The following SH3PXD2B variants were observed in gnomAD, a reference collection of about 807,000 sequenced individuals.
SH3PXD2B encodes SH3 and PX domain-containing protein 2B.
Under a neutral mutation model 73.1 loss-of-function variants are expected in SH3PXD2B, and 37 were observed. The ratio of observed to expected loss-of-function variants is 0.51; its 90% CI spans 0.39 to 0.67. The LOEUF (loss-of-function observed/expected upper bound fraction) is 0.67. Among genes scored for constraint, SH3PXD2B ranks in the 30% least tolerant of loss-of-function variants. The pLI is 0.00. For missense variants in SH3PXD2B, 1,053 were observed against 1,197.8 expected (o/e 0.88, Z 1.78); for synonymous variants, 457 against 480.5 (o/e 0.95, Z 0.64).
intron 2 of SH3PXD2B, among the ~76,000 whole-genome samples, chr5:172,411,745 G>GTT (rs1758703681): frequency 6.6e-6 from 1 of 151,982 alleles, no homozygotes; most frequent in Admixed American, 6.6e-5. Flanking sequence ...TATTGAATAT[G>GTT]TTATTTTGAA....
In SH3PXD2B at chr5:172,333,630, A is replaced by G. The variant is rs1302105262; in HGVS notation, c.*4739T>C. 1 of 1,288,778 alleles carries G rather than the reference A, an allele frequency of 7.8e-7. No individual in the cohort carries two copies. The highest frequency in any genetic ancestry group is 1.5e-5 in the African/African-American group (1 of 65,782). 79.8% of individuals were successfully genotyped at this position (1,288,778 alleles called of 1,614,324 possible). A position where few individuals can be genotyped will look rare whatever the true frequency, so the allele number is the denominator to read the frequency against. Reference sequence around the variant, plus strand: ...GTTCTCACCCCTCCCCTCACATCCTATATACTCATTTATTTAATGTGTTAA... The same window carrying G: ...GTTCTCACCCCTCCCCTCACATCCTGTATACTCATTTATTTAATGTGTTAA... On this transcript the variant is annotated 3_prime_UTR_variant, in exon 13 of 13. Transcript: ENST00000311601.
At chr5:172,349,986 C>T (rs1346330434) in intron 10 of SH3PXD2B, among the ~76,000 whole-genome samples, 1 of 152,190 alleles carries the variant, frequency 6.6e-6, no homozygotes, top group Non-Finnish European at 1.5e-5. Flanking sequence ...TCCCAAGTAG[C>T]TGGGATTTCA....
chr5:172,366,932 A>ATTTTTTTTTTTTTTTT lies in SH3PXD2B; in HGVS notation c.428-4079_428-4064dup, dbSNP rs1262636786. On this transcript the variant is annotated intron_variant, in intron 6 of 12. Coordinates refer to ENST00000311601, the MANE Select transcript of SH3PXD2B (RefSeq NM_001017995.3). ...TAGGTGTGAGCCATCGTGCCCGGCC[A>ATTTTTTTTTTTTTTTT]TTTTTTTTTTTTTTTTTTTTTGGGG... Among the ~76,000 whole-genome samples, 14 of 75,104 alleles carry ATTTTTTTTTTTTTTTT rather than the reference A, an allele frequency of 1.9e-4. 3 individuals carry two copies. The East Asian group carries it at 4.3e-3, about 23-fold the overall frequency. 49.3% of individuals were successfully genotyped at this position (75,104 alleles called of 152,430 possible). A position where few individuals can be genotyped will look rare whatever the true frequency, so the allele number is the denominator to read the frequency against.
At chr5:172,398,364 T>C (rs1230311929) in intron 3 of SH3PXD2B, among the ~76,000 whole-genome samples, 1 of 152,270 alleles carries the variant, frequency 6.6e-6, no homozygotes, top group Non-Finnish European at 1.5e-5. Context: ...CAGTTCATTA[T>C]CAATGGAAAG....
Position 172,335,063 on chromosome 5 carries a change from C to T in SH3PXD2B, c.*3306G>A. ...GCAGTCTCAGCTGGGACGACATACA[C>T]CCACCAATGGCAAAGAAAGATTCCG... On this transcript the variant is annotated 3_prime_UTR_variant, in exon 13 of 13. Transcript: ENST00000311601. The T allele has an allele frequency of 5.1e-6, 5 of 985,504 alleles. No individual in the cohort carries two copies. The highest frequency in any genetic ancestry group is 6.0e-6 in the Non-Finnish European group (5 of 829,994). The allele number at this position is 985,504 out of a possible 1,614,324, so 61.0% of individuals were successfully genotyped here.
At chr5:172,349,299 T>C (rs973807198) in intron 10 of SH3PXD2B, among the ~76,000 whole-genome samples, 2 of 152,170 alleles carry the variant, frequency 1.3e-5, no homozygotes, top group Non-Finnish European at 2.9e-5. Flanking sequence ...TGTGGGTAGC[T>C]GGAAGTCCTT....
At chr5:172,437,454 A>T (rs1759420778) in intron 1 of SH3PXD2B, among the ~76,000 whole-genome samples, 1 of 152,160 alleles carries the variant, frequency 6.6e-6, no homozygotes, top group Non-Finnish European at 1.5e-5. Flanking sequence ...GCACAGAGCC[A>T]TGCTGCGCCT....
chr5:172,325,240 A>G, exon 13 of SH3PXD2B: 1 of 1,444,360 alleles, frequency 6.9e-7, no homozygotes. Flanking sequence ...AGTTTAGCAA[A>G]TTCATGTTCA....
chr5:172,354,128 C>T (rs1029961537), intron 8 of SH3PXD2B, 123 bp from the exon 9 acceptor site: 5 of 927,416 alleles, frequency 5.4e-6, no homozygotes, highest in Admixed American at 1.9e-5. Context: ...GGGCACCCCC[C>T]CTGGCCCTGA....
chr5:172,344,279 T>C (rs777279647), intron 12 of SH3PXD2B, among the ~76,000 whole-genome samples: 26 of 152,062 alleles, frequency 1.7e-4, no homozygotes, highest in Non-Finnish European at 3.1e-4. Context: ...ACAGAGCATA[T>C]GGATCTATCA....
chr5:172,452,649 C>T (rs541731689), intron 1 of SH3PXD2B, among the ~76,000 whole-genome samples: 12 of 152,204 alleles, frequency 7.9e-5, no homozygotes, highest in African/African-American at 2.6e-4. Context: ...CGATGATGGC[C>T]GGGCCTCGGT....
At chr5:172,432,926 G>A (rs1333498550) in intron 1 of SH3PXD2B, among the ~76,000 whole-genome samples, 145 of 4,400 alleles carry the variant, frequency 0.033, no homozygotes, top group African/African-American at 0.061. Flanking sequence ...AAAAAAAAAA[G>A]GGGGGGGGGG....
At chr5:172,435,060 C>T (rs1040671746) in intron 1 of SH3PXD2B, among the ~76,000 whole-genome samples, 4 of 152,122 alleles carry the variant, frequency 2.6e-5, no homozygotes, top group African/African-American at 9.7e-5. Flanking sequence ...GCTGGGATTA[C>T]AGACGTGAGC....
Position 172,333,885 on chromosome 5 carries a change from C to A in SH3PXD2B, c.*4484G>T. The stretch of plus-strand genomic sequence containing the variant: ...CCCCTCTAAGTGAAAGGGGCGCTAA[C>A]AATAATTACACGGGCACAAAGGCAT... On this transcript the variant is annotated 3_prime_UTR_variant, in exon 13 of 13. Transcript: ENST00000311601. 3 of 1,274,016 alleles carry A rather than the reference C, an allele frequency of 2.4e-6. No individual in the cohort carries two copies. The highest frequency in any genetic ancestry group is 3.0e-6 in the Non-Finnish European group (3 of 985,180). 78.9% of individuals were successfully genotyped at this position (1,274,016 alleles called of 1,614,324 possible). A position where few individuals can be genotyped will look rare whatever the true frequency, so the allele number is the denominator to read the frequency against.
chr5:172,423,549 G>GT (rs59814724), intron 1 of SH3PXD2B, among the ~76,000 whole-genome samples: 19 of 142,974 alleles, frequency 1.3e-4, no homozygotes, highest in African/African-American at 2.5e-4. Context: ...CGGGGTTGGG[G>GT]GGGGGGGCGC....
Position 172,406,331 on chromosome 5 carries a change from G to A in SH3PXD2B, c.178C>T (p.Pro60Ser). 2 of 1,614,052 alleles carry A rather than the reference G, an allele frequency of 1.2e-6. No homozygotes were observed. The highest frequency in any genetic ancestry group is 1.7e-5 in the Admixed American group (1 of 60,002). ...DLQMQMLDKF[P>S]MEGGQKDPKQ... ...GGGTCCTTCTGTCCTCCTTCCATGG[G>A]AAATTTGTCCAACATCTGCATCTAA... The change falls in exon 3 of 13, where the codon CCC becomes TCC. Residue 60 changes from proline to serine, a missense_variant. Coordinates refer to ENST00000311601, the MANE Select transcript of SH3PXD2B (RefSeq NM_001017995.3).
At chr5:172,347,464 G>T in intron 10 of SH3PXD2B, 132 bp from the exon 11 acceptor site, 1 of 888,288 alleles carries the variant, frequency 1.1e-6, no homozygotes. Context: ...CCCTCCCTGT[G>T]AGAACAGCCT....
chr5:172,410,617 GATTAAAAAAAA>G (rs1197201431), intron 2 of SH3PXD2B, among the ~76,000 whole-genome samples: 3 of 152,024 alleles, frequency 2.0e-5, no homozygotes, highest in African/African-American at 7.3e-5. Context: ...AAAGTTTACT[GATTAAAAAAAA>G]ATTGGCTGAA....
Position 172,337,165 on chromosome 5 carries a change from A to C in SH3PXD2B, c.*1204T>G, listed in dbSNP as rs1211855798. ...TCCTGTCATGGAGATGCAGCTGTTG[A>C]GTCCAGGGCAGCCTTTGGTATAGGC... On this transcript the variant is annotated 3_prime_UTR_variant, in exon 13 of 13. Transcript: ENST00000311601. The C allele has an allele frequency of 2.0e-6, 2 of 985,366 alleles. No individual in the cohort carries two copies. The highest frequency in any genetic ancestry group is 2.4e-6 in the Non-Finnish European group (2 of 829,992). The allele number at this position is 985,366 out of a possible 1,614,324, so 61.0% of individuals were successfully genotyped here.
Sources: gnomAD v4.1 joint callset for allele counts (sites outside exome capture counted in the v4.1 genomes callset) on GRCh38, gnomAD v4.1.1 for gene constraint, MANE v1.5 for transcripts, NCBI Gene and HGNC (gene_info 2026-07-23, HGNC 2026-07-21) for gene names.